AFF3: variants seen among roughly 807,000 people sequenced by gnomAD.
The protein encoded by AFF3 is AF4/FMR2 family member 3.
Under a neutral mutation model 129.7 loss-of-function variants are expected in AFF3, and 32 were observed. The ratio of observed to expected loss-of-function variants is 0.25; its 90% CI spans 0.19 to 0.33. AFF3 has a LOEUF of 0.33. AFF3 is among the 10% of genes least tolerant of loss of function. The pLI is 1.00. For missense variants in AFF3, 1,373 were observed against 1,592.0 expected (o/e 0.86, Z 2.34); for synonymous variants, 644 against 635.4 (o/e 1.01, Z -0.20).
In AFF3 at chr2:100,007,589, C is replaced by A. The variant is rs1328588667; in HGVS notation, c.175-129G>T. On this transcript the variant is annotated intron_variant, in intron 5 of 24. Coordinates refer to ENST00000672756, the MANE Select transcript of AFF3 (RefSeq NM_001386135.1). Reference sequence around the variant, plus strand: ...CAGAATGAGAGCTGAGAGATGAAATCGAAATCCTTATCGTCTCTGAAGATG... The same window carrying A: ...CAGAATGAGAGCTGAGAGATGAAATAGAAATCCTTATCGTCTCTGAAGATG... 2.5e-5 allele frequency: 21 copies of A among 847,674 alleles called. No homozygotes were observed. In the East Asian group the frequency reaches 3.7e-4, roughly 15 times the overall value. 52.5% of individuals were successfully genotyped at this position (847,674 alleles called of 1,614,324 possible).
chr2:99,859,085 T>C lies in AFF3; in HGVS notation c.874-21561A>G, dbSNP rs1690771720. On this transcript the variant is annotated intron_variant, in intron 7 of 24. Transcript: ENST00000672756. ...TAAAGCAGCTCCGCTTCTCCTGTCATAAGCACAGTGCTAAATTGAGTTTGG... is the reference window on the plus strand; with the variant it reads ...TAAAGCAGCTCCGCTTCTCCTGTCACAAGCACAGTGCTAAATTGAGTTTGG... Among the ~76,000 whole-genome samples, 3 of 152,368 alleles carry C rather than the reference T, an allele frequency of 2.0e-5. No homozygotes were observed. In the South Asian group the frequency reaches 6.2e-4, roughly 32 times the overall value.
intron 12 of AFF3, among the ~76,000 whole-genome samples, chr2:99,668,316 T>C (rs1558723186): frequency 6.6e-6 from 1 of 151,594 alleles, no homozygotes; most frequent in Non-Finnish European, 1.5e-5. Context: ...GGATTACACG[T>C]GCACACCACT....
intron 11 of AFF3, among the ~76,000 whole-genome samples, chr2:99,725,353 AT>A (rs1679281300): frequency 6.7e-6 from 1 of 150,212 alleles, no homozygotes; most frequent in Non-Finnish European, 1.5e-5. Context: ...TAAACTTTTT[AT>A]TTTTTTATTT....
chr2:99,737,781 T>A (rs1247124807), intron 10 of AFF3, among the ~76,000 whole-genome samples: 2 of 152,068 alleles, frequency 1.3e-5, no homozygotes, highest in East Asian at 3.9e-4. Flanking sequence ...TCTAGTTAGA[T>A]GCATGTTAGA....
intron 7 of AFF3, among the ~76,000 whole-genome samples, chr2:99,978,235 G>T (rs1463708547): frequency 6.6e-6 from 1 of 152,124 alleles, no homozygotes; most frequent in Non-Finnish European, 1.5e-5. Context: ...ACAGAACTCT[G>T]ACTCCCAGGA....
chr2:99,865,203 G>C (rs1259149827), intron 7 of AFF3, among the ~76,000 whole-genome samples: 1 of 152,198 alleles, frequency 6.6e-6, no homozygotes, highest in Non-Finnish European at 1.5e-5. Context: ...AGGGCACAAT[G>C]GCACAGCTTC....
intron 11 of AFF3, among the ~76,000 whole-genome samples, chr2:99,697,981 G>GT (rs1026195170): frequency 7.9e-5 from 12 of 151,848 alleles, no homozygotes; most frequent in African/African-American, 2.4e-4. Context: ...CTCTATGTTT[G>GT]TTTTTTTTCC....
At chr2:100,062,322 T>C (rs1356068602) in intron 4 of AFF3, among the ~76,000 whole-genome samples, 1 of 152,178 alleles carries the variant, frequency 6.6e-6, no homozygotes, top group Non-Finnish European at 1.5e-5. Context: ...TCCAGAAGTA[T>C]GGCAGACTAA....
intron 7 of AFF3, among the ~76,000 whole-genome samples, chr2:99,873,587 G>A (rs1170502804): frequency 6.6e-6 from 1 of 152,094 alleles, no homozygotes; most frequent in African/African-American, 2.4e-5. Flanking sequence ...ATGTGGTGAG[G>A]ACTAACTGGA....
chr2:99,581,927 T>A (rs1323452610), intron 17 of AFF3, among the ~76,000 whole-genome samples: 1 of 147,298 alleles, frequency 6.8e-6, no homozygotes, highest in Non-Finnish European at 1.5e-5. Flanking sequence ...AGATCTCAGC[T>A]CACTGCAACC....
intron 22 of AFF3, among the ~76,000 whole-genome samples, chr2:99,558,243 G>A (rs1675132192): frequency 6.6e-6 from 1 of 152,226 alleles, no homozygotes. Flanking sequence ...AAGTGAGCAT[G>A]AGGAATTTAT....
chr2:100,044,027 G>A (rs1054435965), intron 4 of AFF3, among the ~76,000 whole-genome samples: 13 of 152,176 alleles, frequency 8.5e-5, no homozygotes, highest in Non-Finnish European at 7.3e-5. Flanking sequence ...GCACCTGAGC[G>A]TCTCCATCTC....
chr2:100,033,782 T>C (rs1044195808), intron 4 of AFF3, among the ~76,000 whole-genome samples: 2 of 152,186 alleles, frequency 1.3e-5, no homozygotes, highest in African/African-American at 2.4e-5. Flanking sequence ...CAAATTCTTA[T>C]AATACAATGT....
intron 13 of AFF3, among the ~76,000 whole-genome samples, chr2:99,612,724 G>A (rs1392644629): frequency 2.6e-5 from 4 of 152,162 alleles, no homozygotes; most frequent in Non-Finnish European, 4.4e-5. Context: ...AGAGCCTCTT[G>A]GGGCACCTGG....
At chr2:99,971,737 G>A (rs1249183644) in intron 7 of AFF3, among the ~76,000 whole-genome samples, 2 of 151,934 alleles carry the variant, frequency 1.3e-5, no homozygotes, top group South Asian at 2.1e-4. Flanking sequence ...ACTCACCATC[G>A]AGCCCTCCAT....
chr2:99,859,122 C>A (rs182841122), intron 7 of AFF3, among the ~76,000 whole-genome samples: 1 of 152,346 alleles, frequency 6.6e-6, no homozygotes, highest in East Asian at 1.9e-4. Flanking sequence ...TGGCTTTCCT[C>A]TAATAGAATT....
intron 18 of AFF3, among the ~76,000 whole-genome samples, chr2:99,576,542 A>G (rs1453507135): frequency 1.3e-5 from 2 of 151,466 alleles, no homozygotes; most frequent in African/African-American, 2.4e-5. Flanking sequence ...AAAAAGTCCA[A>G]GTACCTGTAG....
chr2:99,906,339 G>A (rs1053068712), intron 7 of AFF3, among the ~76,000 whole-genome samples: 1 of 152,178 alleles, frequency 6.6e-6, no homozygotes, highest in Non-Finnish European at 1.5e-5. Context: ...ATGTGGCAGA[G>A]CTGGGCTTCA....
At chr2:99,563,564 A>G (rs1294327908) in intron 20 of AFF3, among the ~76,000 whole-genome samples, 1 of 151,354 alleles carries the variant, frequency 6.6e-6, no homozygotes, top group Non-Finnish European at 1.5e-5. Flanking sequence ...TAATCTCAGC[A>G]CTTTGGGAGG....
Sources: allele counts gnomAD v4.1 joint callset (sites outside exome capture counted in the v4.1 genomes callset), GRCh38; gene constraint gnomAD v4.1.1; transcripts MANE v1.5; gene names NCBI Gene and HGNC (gene_info 2026-07-23, HGNC 2026-07-21).